Variants in TSHZ2 observed in about 807,000 individuals in gnomAD.
TSHZ2 encodes teashirt zinc finger homeobox 2, also known as teashirt homolog 2.
Under a neutral mutation model 74.4 loss-of-function variants are expected in TSHZ2, and 21 were observed. That is an observed-to-expected ratio of 0.28 (90% CI 0.20 to 0.41). The LOEUF (loss-of-function observed/expected upper bound fraction) is 0.41. TSHZ2 is among the 10% of genes least tolerant of loss of function. The pLI, the probability that TSHZ2 is intolerant of heterozygous loss-of-function variation, is 1.00. For missense variants in TSHZ2, 1,244 were observed against 1,293.5 expected (o/e 0.96, Z 0.59); for synonymous variants, 540 against 515.3 (o/e 1.05, Z -0.65).
chr20:53,485,525 A>G (rs894161642), intron 2 of TSHZ2, among the ~76,000 whole-genome samples: 3 of 152,216 alleles, frequency 2.0e-5, no homozygotes, highest in Middle Eastern at 3.2e-3. Flanking sequence ...CCTGGCCAAC[A>G]TGGTGAAACC....
intron 2 of TSHZ2, among the ~76,000 whole-genome samples, chr20:53,274,082 C>T (rs185315850): frequency 2.6e-5 from 4 of 152,228 alleles, no homozygotes; most frequent in African/African-American, 7.2e-5. Context: ...AGATCGAGAC[C>T]ATCCTGGTGA....
In TSHZ2 at chr20:53,482,029, G is replaced by A. The variant is rs546084994; in HGVS notation, c.*9-5115G>A. 1.2e-4 allele frequency among the ~76,000 whole-genome samples: 18 copies of A among 150,648 alleles called. No homozygotes were observed. In the East Asian group the frequency reaches 1.6e-3, roughly 13 times the overall value. On this transcript the variant is annotated intron_variant, in intron 2 of 2. Transcript: ENST00000371497. ...TGAGGCAGGAGAATTGCTTGAATCC[G>A]GGAGGTAGAAGTTGCAGTGAGTCGA...
chr20:53,141,708 T>C (rs2123416292), intron 1 of TSHZ2, among the ~76,000 whole-genome samples: 1 of 152,362 alleles, frequency 6.6e-6, no homozygotes, highest in East Asian at 1.9e-4. Context: ...TGGTGGAGTG[T>C]GTCTACTGTT....
intron 2 of TSHZ2, among the ~76,000 whole-genome samples, chr20:53,313,715 A>T (rs1231875523): frequency 6.6e-6 from 1 of 152,238 alleles, no homozygotes; most frequent in Non-Finnish European, 1.5e-5. Context: ...GTTAACCTGC[A>T]CAAGCTACTT....
intron 1 of TSHZ2, among the ~76,000 whole-genome samples, chr20:53,248,987 G>A (rs948738902): frequency 5.9e-5 from 9 of 151,392 alleles, no homozygotes; most frequent in African/African-American, 2.2e-4. Context: ...ACAAGCGTGT[G>A]CCACCACACC....
At chr20:53,427,239 A>G (rs1024379495) in intron 2 of TSHZ2, among the ~76,000 whole-genome samples, 2 of 152,244 alleles carry the variant, frequency 1.3e-5, no homozygotes, top group African/African-American at 2.4e-5. Context: ...AGACACTCAC[A>G]TTATTAGACA....
intron 1 of TSHZ2, among the ~76,000 whole-genome samples, chr20:53,154,329 T>G (rs1987743887): frequency 6.6e-6 from 1 of 152,206 alleles, no homozygotes; most frequent in Admixed American, 6.5e-5. Context: ...TTTTTAACAT[T>G]GCTCCTATGT....
intron 1 of TSHZ2, among the ~76,000 whole-genome samples, chr20:53,082,223 AT>A (rs1451688262): frequency 1.3e-5 from 2 of 152,222 alleles, no homozygotes; most frequent in Non-Finnish European, 2.9e-5. Flanking sequence ...GTATTTTTAA[AT>A]CATGTGGTAA....
intron 2 of TSHZ2, among the ~76,000 whole-genome samples, chr20:53,301,576 T>C (rs993581995): frequency 2.0e-5 from 3 of 152,232 alleles, no homozygotes; most frequent in African/African-American, 7.2e-5. Context: ...TTAATATTTA[T>C]ACATTAGAAT....
At chr20:53,354,172 G>A (rs975403974) in intron 2 of TSHZ2, among the ~76,000 whole-genome samples, 1 of 152,232 alleles carries the variant, frequency 6.6e-6, no homozygotes, top group African/African-American at 2.4e-5. Context: ...ACTTTGAAGT[G>A]TAACGACGTA....
In TSHZ2 at chr20:53,255,524, T is replaced by C; in HGVS notation, c.2066T>C (p.Leu689Pro). 6.3e-7 allele frequency: 1 copy of C among 1,587,416 alleles called. No homozygotes were observed. The change falls in exon 2 of 3, where the codon CTG becomes CCG. Residue 689 changes from leucine (L) to proline (P), a missense_variant. Leu to Pro is a moderately conservative substitution (Grantham distance 98, BLOSUM62 -3). Coordinates refer to ENST00000371497, the MANE Select transcript of TSHZ2 (RefSeq NM_173485.6). This position sits in a 1 kb window ranked among gnomAD's most constrained non-coding sequence, Gnocchi z 4.1. ...GCCCTCGCCAACCACGCCCCGGCCC[T>C]GCCATGCATCAACCCACTCAGCGCC... The part of the protein sequence containing the change: ...GCALANHAPA[L>P]PCINPLSALQ...
rs954827524 is a variant in TSHZ2 at position 53,423,686 on chromosome 20, G to A, written c.*9-63458G>A. Among the ~76,000 whole-genome samples the A allele has an allele frequency of 6.6e-5, 10 of 152,220 alleles. 1 individual carries two copies. Among genetic ancestry groups the A allele is most frequent in the African/African-American group, 2.4e-4 (10 of 41,460 alleles). ...GAAACTGTGCTGAGAACTTGCACATGTCACCTCATTCCGCCCATGCAGCGT... is the reference window on the plus strand; with the variant it reads ...GAAACTGTGCTGAGAACTTGCACATATCACCTCATTCCGCCCATGCAGCGT... On this transcript the variant is annotated intron_variant, in intron 2 of 2. Transcript: ENST00000371497.
intron 2 of TSHZ2, among the ~76,000 whole-genome samples, chr20:53,469,758 T>C (rs1482125908): frequency 6.2e-5 from 2 of 32,308 alleles, no homozygotes; most frequent in African/African-American, 2.5e-4. Flanking sequence ...CCAAGAAAGA[T>C]AGAGAGGGAG....
chr20:53,482,641 G>A (rs1335996073), intron 2 of TSHZ2, among the ~76,000 whole-genome samples: 5 of 152,170 alleles, frequency 3.3e-5, no homozygotes, highest in African/African-American at 9.7e-5. Context: ...GGTGGCTCAC[G>A]CCTGTAATCC....
chr20:53,249,314 T>G (rs1600766429), intron 1 of TSHZ2, among the ~76,000 whole-genome samples: 1 of 152,234 alleles, frequency 6.6e-6, no homozygotes, highest in African/African-American at 2.4e-5. Flanking sequence ...AATCTATTCA[T>G]TCATTAACTC....
At chr20:53,457,328 T>C (rs1297679118) in intron 2 of TSHZ2, among the ~76,000 whole-genome samples, 1 of 128,166 alleles carries the variant, frequency 7.8e-6, no homozygotes, top group Non-Finnish European at 1.6e-5. Context: ...CAATTGTGAA[T>C]GGGAGTTCAC....
chr20:53,349,762 C>T (rs182524385), intron 2 of TSHZ2, among the ~76,000 whole-genome samples: 156 of 152,086 alleles, frequency 1.0e-3, no homozygotes, highest in African/African-American at 3.7e-3. Context: ...TTAATGCAAT[C>T]TTCAGTGGTA....
chr20:53,107,351 CAG>C (rs373358121), intron 1 of TSHZ2, among the ~76,000 whole-genome samples: 143 of 152,300 alleles, frequency 9.4e-4, no homozygotes, highest in African/African-American at 3.0e-3. Context: ...ATCTATAAAA[CAG>C]ATATCATAGT....
chr20:53,135,131 C>T (rs1176645612), intron 1 of TSHZ2, among the ~76,000 whole-genome samples: 1 of 151,990 alleles, frequency 6.6e-6, no homozygotes, highest in Non-Finnish European at 1.5e-5. Flanking sequence ...TGTCTGGTTG[C>T]TTTTTGTCTT....
Sources: gnomAD v4.1 joint callset for allele counts (sites outside exome capture counted in the v4.1 genomes callset) on GRCh38, gnomAD v4.1.1 for gene constraint, Gnocchi (gnomAD v3.1) non-coding constraint, MANE v1.5 for transcripts, NCBI Gene and HGNC (gene_info 2026-07-23, HGNC 2026-07-21) for gene names.